EXOC4: variants seen among roughly 807,000 people sequenced by gnomAD.
EXOC4 encodes the protein exocyst complex component 4, also known as SEC8-like 1.
In EXOC4, 71 loss-of-function variants were observed where a neutral mutation model predicts 107.2. The observed-to-expected ratio is 0.66, with a 90% CI of 0.55 to 0.81. EXOC4 has a LOEUF of 0.81. Among genes scored for constraint, EXOC4 ranks in the 30% least tolerant of loss-of-function variants. The pLI is 0.00. For synonymous variants in EXOC4, 456 were observed against 441.2 expected (o/e 1.03, Z -0.42); for missense variants, 1,108 against 1,189.6 (o/e 0.93, Z 1.01).
intron 10 of EXOC4, among the ~76,000 whole-genome samples, chr7:133,797,767 C>T (rs931047257): frequency 2.0e-5 from 3 of 152,172 alleles, no homozygotes; most frequent in Non-Finnish European, 4.4e-5. Flanking sequence ...CTAGACAGTT[C>T]CACAAGCTTA....
At chr7:133,682,919 G>A (rs1794218569) in intron 10 of EXOC4, among the ~76,000 whole-genome samples, 1 of 152,202 alleles carries the variant, frequency 6.6e-6, no homozygotes, top group African/African-American at 2.4e-5. Context: ...GCAAAGGGAT[G>A]TATGGATTTA....
chr7:133,806,445 A>C (rs1797079555), intron 10 of EXOC4, among the ~76,000 whole-genome samples: 1 of 152,234 alleles, frequency 6.6e-6, no homozygotes, highest in South Asian at 2.1e-4. Flanking sequence ...GGTCAGGAGC[A>C]AGAAGTCAGG....
intron 7 of EXOC4, among the ~76,000 whole-genome samples, chr7:133,385,352 C>T (rs925583392): frequency 6.6e-6 from 1 of 152,166 alleles, no homozygotes; most frequent in Non-Finnish European, 1.5e-5. Context: ...ACCCACCAGT[C>T]AGACACTGGC....
chr7:134,077,690 A>G, the EXOC4 span, among the ~76,000 whole-genome samples: 48 of 152,318 alleles, frequency 3.2e-4, 1 homozygote, highest in Middle Eastern at 3.4e-3. Context: ...GAAAGCAGGG[A>G]TACAGAGGGA....
At chr7:133,515,595 A>G (rs1799859897) in intron 9 of EXOC4, among the ~76,000 whole-genome samples, 1 of 152,010 alleles carries the variant, frequency 6.6e-6, no homozygotes, top group Admixed American at 6.6e-5. Flanking sequence ...CAGCCTCCCC[A>G]TTAGCTGGGT....
intron 9 of EXOC4, among the ~76,000 whole-genome samples, chr7:133,556,771 C>A (rs1800698899): frequency 6.6e-6 from 1 of 152,080 alleles, no homozygotes; most frequent in South Asian, 2.1e-4. Flanking sequence ...GGATGACTTG[C>A]TGAAGGAGTG....
At chr7:133,967,896 G>C (rs1801108439) in intron 14 of EXOC4, among the ~76,000 whole-genome samples, 1 of 152,106 alleles carries the variant, frequency 6.6e-6, no homozygotes, top group African/African-American at 2.4e-5. Flanking sequence ...TTAATATTCT[G>C]TCTCGTTGAT....
intron 9 of EXOC4, among the ~76,000 whole-genome samples, chr7:133,509,243 G>A (rs28648859): frequency 0.081 from 12,317 of 151,924 alleles, 1,670 homozygotes; most frequent in African/African-American, 0.28. Context: ...CCTGGCTAAC[G>A]TGGTGAAACC....
chr7:134,063,277 C>T (rs1025008373), intron 17 of EXOC4, among the ~76,000 whole-genome samples: 1 of 152,170 alleles, frequency 6.6e-6, no homozygotes, highest in African/African-American at 2.4e-5. Context: ...AATCTTACCC[C>T]ACAGGAAGTC....
chr7:133,329,929 C>T (rs1278477670), intron 5 of EXOC4, among the ~76,000 whole-genome samples: 1 of 152,122 alleles, frequency 6.6e-6, no homozygotes, highest in Non-Finnish European at 1.5e-5. Flanking sequence ...GCAATCTGAC[C>T]CTTAGCAGAG....
intron 1 of EXOC4, among the ~76,000 whole-genome samples, chr7:133,264,603 A>G (rs1282561692): frequency 6.6e-6 from 1 of 152,152 alleles, no homozygotes. Context: ...GGGAAGCCGT[A>G]TCTTATGTGA....
intron 9 of EXOC4, among the ~76,000 whole-genome samples, chr7:133,558,223 TTTC>T (rs1231124468): frequency 6.7e-6 from 1 of 149,300 alleles, no homozygotes; most frequent in East Asian, 2.0e-4. Context: ...TTTCTTTTCT[TTTC>T]TTTTCTTTTC....
In EXOC4 at chr7:133,317,391, G is replaced by C; in HGVS notation, c.763+1G>C. 1 of 1,579,650 alleles carries C rather than the reference G, an allele frequency of 6.3e-7. No individual in the cohort carries two copies. The highest frequency in any genetic ancestry group is 8.7e-7 in the Non-Finnish European group (1 of 1,148,786). ...TATTCTACTGCTGGAAGCTCAAGTG[G>C]TAAGTATTTAATTCTTCAGCCACTA... On this transcript the variant is annotated splice_donor_variant, in intron 5 of 17. Coordinates refer to ENST00000253861, the MANE Select transcript of EXOC4 (RefSeq NM_021807.4). LOFTEE classifies it high-confidence loss of function.
chr7:134,051,291 G>T (rs1418279826), intron 17 of EXOC4, among the ~76,000 whole-genome samples: 1 of 152,220 alleles, frequency 6.6e-6, no homozygotes, highest in African/African-American at 2.4e-5. Flanking sequence ...CACCTGACTG[G>T]CAGGAACACC....
chr7:133,642,782 T>A (rs1019700990), intron 10 of EXOC4, among the ~76,000 whole-genome samples: 1 of 152,218 alleles, frequency 6.6e-6, no homozygotes, highest in Non-Finnish European at 1.5e-5. Flanking sequence ...TTATGCACAC[T>A]GATCTCAGGC....
In EXOC4 at chr7:133,536,954, A is replaced by G. The variant is rs73445087; in HGVS notation, c.1417+56816A>G. Among the ~76,000 whole-genome samples the G allele has an allele frequency of 2.8e-3, 427 of 152,260 alleles. 2 individuals are homozygous for G. The highest frequency in any genetic ancestry group is 9.9e-3 in the African/African-American group (413 of 41,540). On this transcript the variant is annotated intron_variant, in intron 9 of 17. Coordinates refer to ENST00000253861, the MANE Select transcript of EXOC4 (RefSeq NM_021807.4). ...CTTAGATTTGATTCGCCAGAACTGTATTACATGACTATGTCTAGATACAGT... is the reference window on the plus strand; with the variant it reads ...CTTAGATTTGATTCGCCAGAACTGTGTTACATGACTATGTCTAGATACAGT...
At chr7:133,681,816 A>G (rs1794193535) in intron 10 of EXOC4, among the ~76,000 whole-genome samples, 1 of 152,096 alleles carries the variant, frequency 6.6e-6, no homozygotes, top group Non-Finnish European at 1.5e-5. Context: ...CATCGGTTGT[A>G]CGTTTTAGTT....
At chr7:133,338,896 G>T (rs1005849632) in intron 5 of EXOC4, among the ~76,000 whole-genome samples, 2 of 151,736 alleles carry the variant, frequency 1.3e-5, no homozygotes, top group Admixed American at 1.3e-4. Flanking sequence ...GGGATCACAG[G>T]CATGCACCAC....
chr7:133,757,003 T>C (rs1006359008), intron 10 of EXOC4, among the ~76,000 whole-genome samples: 3 of 152,186 alleles, frequency 2.0e-5, no homozygotes, highest in Non-Finnish European at 4.4e-5. Flanking sequence ...TTTAAAAATA[T>C]GTATTAAGGG....
Sources: allele counts gnomAD v4.1 joint callset (sites outside exome capture counted in the v4.1 genomes callset), GRCh38; gene constraint gnomAD v4.1.1; transcripts MANE v1.5; gene names NCBI Gene and HGNC (gene_info 2026-07-23, HGNC 2026-07-21).